Variants in ZNF83 observed in about 807,000 individuals in gnomAD.
The protein encoded by ZNF83 is zinc finger protein 816B.
For synonymous variants in ZNF83, 209 were observed against 213.0 expected, an observed-to-expected ratio of 0.98 and a Z score of 0.17; for missense variants, 552 against 629.9, an observed-to-expected ratio of 0.88 and a Z score of 1.32.
At chr19:52,620,376 T>G (rs1218591702) in intron 2 of ZNF83, among the ~76,000 whole-genome samples, 1 of 151,758 alleles carries the variant, frequency 6.6e-6, no homozygotes, top group Non-Finnish European at 1.5e-5. Context: ...GAGAATCTGT[T>G]CAGTTCTAAG....
chr19:52,690,145 A>C (rs2062127168), intron 1 of ZNF83, among the ~76,000 whole-genome samples: 1 of 151,610 alleles, frequency 6.6e-6, no homozygotes, highest in Non-Finnish European at 1.5e-5. Flanking sequence ...AGGACGTTAA[A>C]AAGCGCGGGG....
At chr19:52,675,048 G>A (rs1178651196) in intron 1 of ZNF83, among the ~76,000 whole-genome samples, 1 of 152,184 alleles carries the variant, frequency 6.6e-6, no homozygotes, top group Non-Finnish European at 1.5e-5. Context: ...ACAAGACAGT[G>A]AAATGAGTGA....
intron 1 of ZNF83, among the ~76,000 whole-genome samples, chr19:52,686,649 C>T (rs1468105579): frequency 2.0e-5 from 3 of 152,112 alleles, no homozygotes; most frequent in African/African-American, 7.2e-5. Flanking sequence ...TTTCAGCTCA[C>T]TGCAACCTCT....
chr19:52,641,495 G>A (rs2061304774), upstream of ZNF83, among the ~76,000 whole-genome samples: 1 of 152,132 alleles, frequency 6.6e-6, no homozygotes, highest in Non-Finnish European at 1.5e-5. Context: ...CAAAGTTGAA[G>A]AGCATTTCCC....
At chr19:52,678,533 G>A (rs1025053888) in intron 1 of ZNF83, among the ~76,000 whole-genome samples, 1 of 151,566 alleles carries the variant, frequency 6.6e-6, no homozygotes, top group Non-Finnish European at 1.5e-5. Flanking sequence ...CTCTTTTCCT[G>A]GTTCCTATAT....
At chr19:52,640,609 C>G (rs917743690), upstream of ZNF83, among the ~76,000 whole-genome samples, 1 of 152,094 alleles carries the variant, frequency 6.6e-6, no homozygotes, top group African/African-American at 2.4e-5. Flanking sequence ...CCTCCACCTC[C>G]TGGGTTCAAG....
At chr19:52,627,116 G>A (rs12982142) in intron 2 of ZNF83, among the ~76,000 whole-genome samples, 3 of 151,944 alleles carry the variant, frequency 2.0e-5, no homozygotes, top group African/African-American at 7.3e-5. Context: ...ACCTTGTGAC[G>A]CTCTCCTCTG....
chr19:52,678,671 T>C (rs2061858850), intron 1 of ZNF83, among the ~76,000 whole-genome samples: 1 of 151,910 alleles, frequency 6.6e-6, no homozygotes, highest in African/African-American at 2.4e-5. Context: ...TCAACAAAAA[T>C]GTTTCATCAA....
intron 1 of ZNF83, among the ~76,000 whole-genome samples, chr19:52,665,655 A>T (rs2061640214): frequency 6.6e-6 from 1 of 152,080 alleles, no homozygotes; most frequent in Non-Finnish European, 1.5e-5. Flanking sequence ...GACTCATTCC[A>T]TAATCATTTT....
intron 2 of ZNF83, chr19:52,660,647 T>G (rs1289806643): frequency 6.5e-6 from 1 of 154,902 alleles, no homozygotes; most frequent in Non-Finnish European, 1.5e-5. Context: ...AAGCCTTGGG[T>G]GAGTGCGAGC....
chr19:52,670,117 T>C (rs1368708453), intron 1 of ZNF83, among the ~76,000 whole-genome samples: 1 of 151,842 alleles, frequency 6.6e-6, no homozygotes, highest in African/African-American at 2.4e-5. Context: ...TCCAATCACC[T>C]GCTCCACCTT....
exon 3 of ZNF83, chr19:52,613,368 T>C (rs749818555): frequency 5.6e-6 from 9 of 1,613,720 alleles, no homozygotes; most frequent in Non-Finnish European, 8.5e-7. Context: ...ATTTGTAAGG[T>C]TTCTCTCCAG....
intron 1 of ZNF83, among the ~76,000 whole-genome samples, chr19:52,679,457 A>G (rs1217605757): frequency 4.6e-5 from 7 of 152,136 alleles, no homozygotes; most frequent in Non-Finnish European, 8.8e-5. Flanking sequence ...CTAAAAATAC[A>G]AAAACTGGCC....
chr19:52,655,466 T>C, intron 3 of ZNF83: 1 of 1,159,460 alleles, frequency 8.6e-7, no homozygotes, highest in Non-Finnish European at 1.2e-6. Flanking sequence ...ATCAAAAGCA[T>C]GTATGCGGCA....
chr19:52,664,376 G>T (rs958651480), intron 1 of ZNF83, among the ~76,000 whole-genome samples: 2 of 151,922 alleles, frequency 1.3e-5, no homozygotes, highest in African/African-American at 4.8e-5. Context: ...TGTAGCTGTG[G>T]TCCCAGCTAC....
At chr19:52,659,794 C>T (rs4464193) in intron 2 of ZNF83, among the ~76,000 whole-genome samples, 60,028 of 151,866 alleles carry the variant, frequency 0.4, 12,433 homozygotes, top group African/African-American at 0.48. Flanking sequence ...TAACAAACAA[C>T]ATCATAATAA....
intron 1 of ZNF83, among the ~76,000 whole-genome samples, chr19:52,683,678 G>A (rs1050088476): frequency 5.3e-5 from 8 of 152,092 alleles, no homozygotes; most frequent in African/African-American, 1.7e-4. Flanking sequence ...TGGTCTGTAG[G>A]GCTTTTCTGA....
intron 2 of ZNF83, among the ~76,000 whole-genome samples, chr19:52,620,734 C>A (rs1437991662): frequency 6.6e-6 from 1 of 152,212 alleles, no homozygotes; most frequent in Non-Finnish European, 1.5e-5. Flanking sequence ...TGGTCTGAGG[C>A]AAGCGAAAAG....
chr19:52,680,076 G>A (rs1170882588), intron 1 of ZNF83, among the ~76,000 whole-genome samples: 1 of 152,098 alleles, frequency 6.6e-6, no homozygotes, highest in Non-Finnish European at 1.5e-5. Context: ...CTACTTGAGA[G>A]GCTGAAGGAG....
Sources: allele counts gnomAD v4.1 joint callset (sites outside exome capture counted in the v4.1 genomes callset), GRCh38; gene constraint gnomAD v4.1.1; transcripts MANE v1.5; gene names NCBI Gene and HGNC (gene_info 2026-07-23, HGNC 2026-07-21).